The following PCDH15 variants were observed in gnomAD, a reference collection of about 807,000 sequenced individuals.
PCDH15 encodes the protein protocadherin related 15.
In PCDH15, 129 loss-of-function variants were observed where a neutral mutation model predicts 178.5. That is an observed-to-expected ratio of 0.72 (90% CI 0.63 to 0.84). PCDH15 has a LOEUF of 0.84. PCDH15 is among the 40% of genes least tolerant of loss of function. The pLI is 0.00. For synonymous variants in PCDH15, 800 were observed against 732.0 expected (o/e 1.09, Z -1.50); for missense variants, 2,230 against 2,099.9 (o/e 1.06, Z -1.21).
intron 3 of PCDH15, among the ~76,000 whole-genome samples, chr10:54,855,904 T>G (rs1953733374): frequency 6.6e-6 from 1 of 152,152 alleles, no homozygotes; most frequent in Non-Finnish European, 1.5e-5. Flanking sequence ...TATGCTTGGT[T>G]TAGATACATT....
intron 2 of PCDH15, among the ~76,000 whole-genome samples, chr10:54,634,720 TCTTCC>T (rs1305604562): frequency 4.6e-5 from 7 of 152,042 alleles, no homozygotes; most frequent in African/African-American, 1.4e-4. Flanking sequence ...GTATACACTA[TCTTCC>T]AACTGTTTCA....
chr10:54,434,239 T>G (rs2075227853), intron 3 of PCDH15, among the ~76,000 whole-genome samples: 1 of 131,778 alleles, frequency 7.6e-6, no homozygotes. Context: ...TAAGATTAAT[T>G]ACTGAAGAAA....
chr10:55,591,874 G>C (rs900405980), intron 2 of PCDH15, among the ~76,000 whole-genome samples: 13 of 152,048 alleles, frequency 8.5e-5, no homozygotes, highest in African/African-American at 3.1e-4. Flanking sequence ...TAAATACTAA[G>C]ATATACTGTA....
intron 2 of PCDH15, chr10:54,600,828 T>C (rs1392164561): frequency 8.2e-6 from 3 of 367,172 alleles, no homozygotes; most frequent in East Asian, 1.4e-4. Context: ...GCATGCAAGC[T>C]CAGTGTGCTC....
At chr10:55,067,117 T>C (rs1434031775) in intron 2 of PCDH15, among the ~76,000 whole-genome samples, 3 of 151,972 alleles carry the variant, frequency 2.0e-5, no homozygotes, top group Admixed American at 1.3e-4. Context: ...AATAAAAAGA[T>C]GGCTGTATAC....
intron 1 of PCDH15, among the ~76,000 whole-genome samples, chr10:55,245,151 TA>T (rs767914636): frequency 7.9e-5 from 12 of 152,102 alleles, no homozygotes; most frequent in Non-Finnish European, 1.5e-4. Context: ...TCATGATGTG[TA>T]AAGCATAAAA....
chr10:54,392,637 G>T (rs1029928884), intron 3 of PCDH15, among the ~76,000 whole-genome samples: 1 of 151,640 alleles, frequency 6.6e-6, no homozygotes, highest in Non-Finnish European at 1.5e-5. Flanking sequence ...GCTGGCTCAT[G>T]CTTGTAATCC....
Position 55,499,234 on chromosome 10 carries a change from T to C in PCDH15, c.-156+128391A>G, listed in dbSNP as rs193278389. Among the ~76,000 whole-genome samples, 409 of 151,976 alleles carry C rather than the reference T, an allele frequency of 2.7e-3. 2 individuals carry two copies. The highest frequency in any genetic ancestry group is 4.6e-3 in the Non-Finnish European group (315 of 67,902). ...AGCAATAATAACTACATGTTTTAAG[T>C]TGCTAAATTTGTGGTAATTTGACAG... is the stretch of plus-strand genomic sequence containing the variant. On this transcript the variant is annotated intron_variant, in intron 2 of 5. Coordinates refer to the PCDH15 transcript ENST00000613346.
Position 54,051,836 on chromosome 10 carries a change from TG to T in PCDH15, c.2220+14920del, listed in dbSNP as rs527462058. Among the ~76,000 whole-genome samples, 98 of 152,266 alleles carry T rather than the reference TG, an allele frequency of 6.4e-4. 2 individuals are homozygous for T. The South Asian group carries it at 0.02, about 30-fold the overall frequency. ...GAGGACTAGGAGAGAAATGGTTTTATGGGTCAGGTCCAGGGCCCACTATGCA... is the reference window on the plus strand; with the variant it reads ...GAGGACTAGGAGAGAAATGGTTTTATGGTCAGGTCCAGGGCCCACTATGCA... On this transcript the variant is annotated intron_variant, in intron 18 of 37. Coordinates refer to ENST00000644397, the MANE Select transcript of PCDH15 (RefSeq NM_001384140.1).
At chr10:55,014,201 T>A (rs1840116158) in intron 2 of PCDH15, among the ~76,000 whole-genome samples, 1 of 148,916 alleles carries the variant, frequency 6.7e-6, no homozygotes, top group Admixed American at 6.7e-5. Context: ...CACCTTGAAA[T>A]TTTTTTTTTA....
intron 13 of PCDH15, among the ~76,000 whole-genome samples, chr10:54,171,610 C>G (rs2046917131): frequency 6.6e-6 from 1 of 152,054 alleles, no homozygotes; most frequent in Admixed American, 6.5e-5. Context: ...CAGCTGATAT[C>G]TCCTGGTGCT....
chr10:54,852,526 T>C (rs1279309900), intron 3 of PCDH15, among the ~76,000 whole-genome samples: 1 of 152,086 alleles, frequency 6.6e-6, no homozygotes. Flanking sequence ...CTACAAAAAA[T>C]ATAAAAAGAA....
intron 3 of PCDH15, among the ~76,000 whole-genome samples, chr10:54,409,687 T>C (rs1236143383): frequency 2.0e-5 from 3 of 152,126 alleles, no homozygotes; most frequent in Non-Finnish European, 4.4e-5. Flanking sequence ...CCCCAAATTT[T>C]GTGTATTGGA....
chr10:54,383,722 CAA>C (rs1259855940), intron 3 of PCDH15, among the ~76,000 whole-genome samples: 1 of 126,654 alleles, frequency 7.9e-6, no homozygotes, highest in Non-Finnish European at 1.7e-5. Flanking sequence ...TCTCCTCAAC[CAA>C]AAAAAAAAAG....
intron 8 of PCDH15, among the ~76,000 whole-genome samples, chr10:54,289,982 T>C (rs1279658161): frequency 1.3e-5 from 2 of 152,164 alleles, no homozygotes. Flanking sequence ...TTCAGGATAT[T>C]ATCCAGGAGA....
intron 3 of PCDH15, among the ~76,000 whole-genome samples, chr10:54,871,311 A>G: frequency 6.6e-6 from 1 of 152,072 alleles, no homozygotes; most frequent in East Asian, 1.9e-4. Context: ...GTGTCACAGA[A>G]TATTTGTATA....
chr10:54,193,336 A>G (rs141221741), intron 11 of PCDH15, among the ~76,000 whole-genome samples: 52 of 152,322 alleles, frequency 3.4e-4, no homozygotes, highest in African/African-American at 1.2e-3. Flanking sequence ...CTGAGAAGGT[A>G]TAAATACATA....
intron 2 of PCDH15, among the ~76,000 whole-genome samples, chr10:55,379,143 AT>A (rs1393760018): frequency 2.0e-5 from 3 of 151,068 alleles, no homozygotes; most frequent in Admixed American, 2.0e-4. Flanking sequence ...GCGCCTATTA[AT>A]TTTTTTTGGG....
chr10:53,806,568 TA>T lies in PCDH15; in HGVS notation c.*10del. The T allele has an allele frequency of 6.4e-7, 1 of 1,561,770 alleles. No individual in the cohort carries two copies. Among genetic ancestry groups the T allele is most frequent in the Non-Finnish European group, 8.7e-7 (1 of 1,151,724 alleles). The stretch of plus-strand genomic sequence containing the variant: ...AGTAAAAATTAATTAAAATATCTTT[TA>T]AAAAATTGGTCACAGTTTTGTCATT... On this transcript the variant is annotated 3_prime_UTR_variant, in exon 38 of 38. Coordinates refer to ENST00000644397, the MANE Select transcript of PCDH15 (RefSeq NM_001384140.1).
Sources: gnomAD v4.1 joint callset for allele counts (sites outside exome capture counted in the v4.1 genomes callset) on GRCh38, gnomAD v4.1.1 for gene constraint, MANE v1.5 for transcripts, NCBI Gene and HGNC (gene_info 2026-07-23, HGNC 2026-07-21) for gene names.